SNX29: variants seen among roughly 807,000 people sequenced by gnomAD.
The protein encoded by SNX29 is sorting nexin 29.
Under a neutral mutation model 102.1 loss-of-function variants are expected in SNX29, and 78 were observed. That is an observed-to-expected ratio of 0.76 (90% CI 0.64 to 0.92). The LOEUF (loss-of-function observed/expected upper bound fraction) is 0.92. Among genes scored for constraint, SNX29 ranks in the 40% least tolerant of loss-of-function variants. The probability of loss-of-function intolerance (pLI) is 0.00; values close to 1 mark genes in which losing one functional copy is unlikely to be tolerated. For missense variants in SNX29, 1,280 were observed against 1,061.7 expected, an observed-to-expected ratio of 1.21 and a Z score of -2.86; for synonymous variants, 580 against 414.5, an observed-to-expected ratio of 1.40 and a Z score of -4.85.
intron 20 of SNX29, among the ~76,000 whole-genome samples, chr16:12,538,143 TCTCA>T (rs751378607): frequency 4.0e-4 from 61 of 152,122 alleles, no homozygotes; most frequent in African/African-American, 1.2e-3. Flanking sequence ...TGAGACGGAG[TCTCA>T]CTCTGTCACC....
At chr16:12,263,236 A>G (rs1018197415) in intron 14 of SNX29, among the ~76,000 whole-genome samples, 4 of 150,016 alleles carry the variant, frequency 2.7e-5, no homozygotes, top group African/African-American at 9.9e-5. Context: ...GGTTCAAGTG[A>G]TTCTTCTGCC....
chr16:12,059,972 G>A (rs187758074), intron 8 of SNX29, among the ~76,000 whole-genome samples: 24 of 152,018 alleles, frequency 1.6e-4, no homozygotes, highest in African/African-American at 5.5e-4. Context: ...GTCTGCCCCC[G>A]CACTTCCCTT....
Position 12,042,969 on chromosome 16 carries a change from A to T in SNX29, c.320A>T (p.His107Leu), listed in dbSNP as rs2049945309. 1.2e-6 allele frequency: 2 copies of T among 1,613,806 alleles called. No individual in the cohort carries two copies. Among genetic ancestry groups the T allele is most frequent in the Non-Finnish European group, 1.7e-6 (2 of 1,179,872 alleles). Residue 107 changes from histidine to leucine, a missense_variant, in exon 5 of 21, where the codon CAC becomes CTC. By Grantham distance (99) the His-to-Leu change is moderately conservative (BLOSUM62 -3). Coordinates refer to ENST00000566228, the MANE Select transcript of SNX29 (RefSeq NM_032167.5). ...CTGCAGCGCTTCTACTCCCTGCGCC[A>T]CATCGCCTCAGACGTGGGCCGGGGT... ...HELQRFYSLR[H>L]IASDVGRGRA... is the part of the protein sequence containing the mutation.
chr16:12,567,108 T>TG, intron 20 of SNX29, among the ~76,000 whole-genome samples: 1 of 152,382 alleles, frequency 6.6e-6, no homozygotes, highest in African/African-American at 2.4e-5. Flanking sequence ...TCTTTATGAA[T>TG]GCAAGTCTCT....
chr16:12,410,423 C>G (rs1244996431), intron 18 of SNX29, among the ~76,000 whole-genome samples: 2 of 152,146 alleles, frequency 1.3e-5, no homozygotes, highest in Non-Finnish European at 2.9e-5. Flanking sequence ...TCCTGCAGAA[C>G]AAAATCACAT....
At chr16:12,008,858 C>T (rs1292359331) in intron 3 of SNX29, among the ~76,000 whole-genome samples, 1 of 151,922 alleles carries the variant, frequency 6.6e-6, no homozygotes, top group African/African-American at 2.4e-5. Flanking sequence ...TCTCTTGACT[C>T]AGCCTCCCTA....
intron 3 of SNX29, among the ~76,000 whole-genome samples, chr16:12,010,301 C>A (rs8060439): frequency 0.37 from 56,719 of 151,986 alleles, 11,995 homozygotes; most frequent in Non-Finnish European, 0.48. Context: ...AGTGAGTTGG[C>A]TTCAGGTATT....
In SNX29 at chr16:12,573,955, G is replaced by A. The variant is rs145472350; in HGVS notation, c.*5326G>A. The A allele has an allele frequency of 2.6e-4, 52 of 199,586 alleles. No homozygotes were observed. Among genetic ancestry groups the A allele is most frequent in the East Asian group, 5.4e-4 (7 of 12,904 alleles). The allele number at this position is 199,586 out of a possible 1,614,324, so 12.4% of individuals were successfully genotyped here. A position where few individuals can be genotyped will look rare whatever the true frequency, so the allele number is the denominator to read the frequency against. ...GCGAGTCTTTTTTGAATGGAGGAGC[G>A]ATGGTAACCCCACTAGGGGGCGCCC... On this transcript the variant is annotated 3_prime_UTR_variant, in exon 21 of 21. Coordinates refer to ENST00000566228, the MANE Select transcript of SNX29 (RefSeq NM_032167.5).
chr16:12,307,426 AT>A (rs2080373321), intron 15 of SNX29, among the ~76,000 whole-genome samples: 2 of 152,216 alleles, frequency 1.3e-5, no homozygotes, highest in Admixed American at 6.5e-5. Flanking sequence ...CACTAACATC[AT>A]GAGGACAGTG....
At position 12,009,459 on chromosome 16, in the gene SNX29, ATG is replaced by A. The variant is rs139936824; in HGVS notation, c.122+6436_122+6437del. 1.1e-3 allele frequency among the ~76,000 whole-genome samples: 167 copies of A among 149,048 alleles called. 1 individual carries two copies. The highest frequency in any genetic ancestry group is 3.1e-3 in the African/African-American group (125 of 39,936). ...TATTTTTATATGTGTGTGTGTATAT[ATG>A]TGTGTGTGTGTGTGTGTGTATATAT... On this transcript the variant is annotated intron_variant, in intron 3 of 20. Coordinates refer to ENST00000566228, the MANE Select transcript of SNX29 (RefSeq NM_032167.5).
intron 15 of SNX29, among the ~76,000 whole-genome samples, chr16:12,347,253 C>T (rs928650537): frequency 6.6e-6 from 1 of 151,992 alleles, no homozygotes; most frequent in Admixed American, 6.6e-5. Flanking sequence ...TGATCTGCCC[C>T]ACAGGTCTCA....
intron 2 of SNX29, among the ~76,000 whole-genome samples, chr16:12,000,058 C>T (rs767104106): frequency 1.1e-4 from 17 of 152,230 alleles, no homozygotes; most frequent in African/African-American, 3.6e-4. Context: ...ATGGAGGCCA[C>T]GCCTGAGGTC....
At chr16:12,279,063 G>A (rs575107192) in intron 15 of SNX29, among the ~76,000 whole-genome samples, 294 of 152,340 alleles carry the variant, frequency 1.9e-3, no homozygotes, top group Non-Finnish European at 3.5e-3. Flanking sequence ...TTGATGAGGT[G>A]TGTGTACATG....
At chr16:12,325,674 A>C (rs1271625665) in intron 15 of SNX29, among the ~76,000 whole-genome samples, 1 of 152,156 alleles carries the variant, frequency 6.6e-6, no homozygotes, top group East Asian at 1.9e-4. Context: ...ATTTCTGAGA[A>C]CAAAAGAATA....
At chr16:12,566,915 G>GTC (rs1442041690) in intron 20 of SNX29, among the ~76,000 whole-genome samples, 1 of 152,216 alleles carries the variant, frequency 6.6e-6, no homozygotes, top group Non-Finnish European at 1.5e-5. Flanking sequence ...ATTAAAAGGG[G>GTC]TCTTCATTTT....
intron 19 of SNX29, among the ~76,000 whole-genome samples, chr16:12,504,879 C>G (rs2089301929): frequency 1.3e-5 from 2 of 152,152 alleles, no homozygotes; most frequent in African/African-American, 4.8e-5. Context: ...TACTTCATTC[C>G]TTTTTATTGT....
In SNX29 at chr16:12,568,956, G is replaced by C. The variant is rs2079125126; in HGVS notation, c.*327G>C. ...TGGCAGGAGGGTGGGCACCAGGTCA[G>C]GCTGGGTGCGCCATGGTTGAGAGGC... On this transcript the variant is annotated 3_prime_UTR_variant, in exon 21 of 21. Transcript: ENST00000566228. 1 of 381,822 alleles carries C rather than the reference G, an allele frequency of 2.6e-6. No homozygotes were observed. Among genetic ancestry groups the C allele is most frequent in the Non-Finnish European group, 4.7e-6 (1 of 211,406 alleles). 23.7% of individuals were successfully genotyped at this position (381,822 alleles called of 1,614,324 possible).
At chr16:11,999,920 A>G (rs1375094669) in intron 2 of SNX29, among the ~76,000 whole-genome samples, 2 of 151,258 alleles carry the variant, frequency 1.3e-5, no homozygotes, top group East Asian at 1.9e-4. Context: ...AAAAAAAGTC[A>G]TTGATGTGGG....
intron 7 of SNX29, among the ~76,000 whole-genome samples, chr16:12,050,691 G>A (rs944968293): frequency 6.6e-6 from 1 of 151,972 alleles, no homozygotes; most frequent in African/African-American, 2.4e-5. Flanking sequence ...CTAGCTACTA[G>A]AACTCACACA....
Sources: gnomAD v4.1 joint callset for allele counts (sites outside exome capture counted in the v4.1 genomes callset) on GRCh38, gnomAD v4.1.1 for gene constraint, MANE v1.5 for transcripts, NCBI Gene and HGNC (gene_info 2026-07-23, HGNC 2026-07-21) for gene names.